The following COPB1 variants were observed in gnomAD, a reference collection of about 807,000 sequenced individuals.
COPB1 encodes the protein coat protein complex I subunit beta 1, also known as coatomer subunit beta.
In COPB1, 21 loss-of-function variants were observed where a neutral mutation model predicts 108.7. The ratio of observed to expected loss-of-function variants is 0.19; its 90% CI spans 0.14 to 0.28. The LOEUF (loss-of-function observed/expected upper bound fraction) is 0.28. COPB1 is among the 10% of genes least tolerant of loss of function. COPB1 has a pLI of 1.00. For synonymous variants in COPB1, 378 were observed against 386.8 expected (o/e 0.98, Z 0.27); for missense variants, 919 against 1,141.3 (o/e 0.81, Z 2.81).
intron 3 of COPB1, 65 bp downstream of exon 3, chr11:14,494,145 C>T: frequency 9.1e-7 from 1 of 1,099,220 alleles, no homozygotes; most frequent in Non-Finnish European, 1.3e-6. Flanking sequence ...TAAAACACAG[C>T]CCATTCTACC....
chr11:14,479,792 A>T (rs533014839), intron 10 of COPB1, 78 bp from the exon 11 acceptor site: 12 of 1,341,136 alleles, frequency 8.9e-6, no homozygotes, highest in Non-Finnish European at 1.2e-5. Flanking sequence ...AAATAAATTA[A>T]AAGAATGTAA....
intron 16 of COPB1, among the ~76,000 whole-genome samples, chr11:14,466,928 C>A (rs1181001656): frequency 2.0e-5 from 3 of 151,950 alleles, no homozygotes; most frequent in Non-Finnish European, 2.9e-5. Flanking sequence ...GATTGTAATG[C>A]CACAAAAATA....
intron 17 of COPB1, among the ~76,000 whole-genome samples, chr11:14,465,535 A>G (rs1850265237): frequency 6.6e-6 from 1 of 152,088 alleles, no homozygotes; most frequent in Non-Finnish European, 1.5e-5. Context: ...GGGTCATTTT[A>G]TTTCAATGAA....
Position 14,476,961 on chromosome 11 carries a change from G to A in COPB1, c.1413C>T (p.Asp471=). ...ILGEYCSTKE[D]IQSVMTEIRR... Reference sequence around the variant, plus strand: ...GGATCTCAGTCATCACACTCTGAATGTCTTCCTTGGTACTACAGTATTCTC... The same window carrying A: ...GGATCTCAGTCATCACACTCTGAATATCTTCCTTGGTACTACAGTATTCTC... The change falls in exon 12 of 22, where the codon GAC becomes GAT. Residue 471 remains aspartate, a synonymous_variant. Coordinates refer to ENST00000439561, the MANE Select transcript of COPB1 (RefSeq NM_001144061.2). 6.2e-7 allele frequency: 1 copy of A among 1,612,756 alleles called. No homozygotes were observed. The highest frequency in any genetic ancestry group is 8.5e-7 in the Non-Finnish European group (1 of 1,178,816).
intron 20 of COPB1, among the ~76,000 whole-genome samples, chr11:14,459,660 C>T (rs750041294): frequency 8.5e-5 from 13 of 152,194 alleles, no homozygotes; most frequent in Middle Eastern, 6.8e-3. Context: ...CTGTCACCCA[C>T]GCTGGAATGC....
chr11:14,469,505 G>C lies in COPB1; in HGVS notation c.1796C>G (p.Ser599Cys). ...ATCAGTAATTGGCTTCTTAGGAAGAGAGGATTTTCCCAAATGCAGGATAGT... is the reference window on the plus strand; with the variant it reads ...ATCAGTAATTGGCTTCTTAGGAAGACAGGATTTTCCCAAATGCAGGATAGT... The part of the protein sequence containing the change: ...MATILHLGKS[S>C]LPKKPITDDD... Residue 599 changes from serine (S) to cysteine (C), a missense_variant, in exon 15 of 22, where the codon TCT becomes TGT. By Grantham distance (112) the Ser-to-Cys change is moderately radical (BLOSUM62 -1). Around this residue, in one of 5 missense-constraint regions of COPB1, gnomAD observed 705 missense variants for 817.8 expected, o/e 0.86. Transcript: ENST00000439561. 6.2e-7 allele frequency: 1 copy of C among 1,614,194 alleles called. No individual in the cohort carries two copies. Among genetic ancestry groups the C allele is most frequent in the Non-Finnish European group, 8.5e-7 (1 of 1,180,046 alleles).
At chr11:14,459,330 G>T (rs1184949137) in intron 20 of COPB1, among the ~76,000 whole-genome samples, 2 of 152,130 alleles carry the variant, frequency 1.3e-5, no homozygotes, top group East Asian at 3.9e-4. Flanking sequence ...CTCAGTATAT[G>T]CTGAATAAAC....
At chr11:14,459,126 T>A (rs1850088989) in intron 20 of COPB1, among the ~76,000 whole-genome samples, 1 of 152,206 alleles carries the variant, frequency 6.6e-6, no homozygotes, top group Non-Finnish European at 1.5e-5. Flanking sequence ...TTACATAATC[T>A]TATGAGTTTG....
chr11:14,474,666 C>A, intron 13 of COPB1, 51 bp from the exon 14 acceptor site: 3 of 1,604,122 alleles, frequency 1.9e-6, no homozygotes, highest in East Asian at 2.2e-5. Flanking sequence ...AAGCAGCATG[C>A]AGCTTCTGTA....
At chr11:14,476,062 G>A in intron 12 of COPB1, 117 bp from the exon 13 acceptor site, 1 of 818,158 alleles carries the variant, frequency 1.2e-6, no homozygotes, top group South Asian at 2.1e-5. Flanking sequence ...TTTTGGAACT[G>A]GGAACTCTGC....
chr11:14,494,674 G>C lies in COPB1; in HGVS notation c.92-235C>G, dbSNP rs547473360. On this transcript the variant is annotated intron_variant, in intron 2 of 21. Transcript: ENST00000439561. ...GACTCTTTATATATAATATGAAGGC[G>C]CTGGATTAGATTTCTGGTTCCTAAC... 2.4e-4 allele frequency: 89 copies of C among 375,786 alleles called. No homozygotes were observed. The South Asian group carries it at 2.7e-3, about 11-fold the overall frequency. 23.3% of individuals were successfully genotyped at this position (375,786 alleles called of 1,614,324 possible). A position where few individuals can be genotyped will look rare whatever the true frequency, so the allele number is the denominator to read the frequency against.
intron 1 of COPB1, 76 bp from the exon 2 acceptor site, chr11:14,499,061 T>C: frequency 2.9e-6 from 2 of 697,980 alleles, no homozygotes; most frequent in Non-Finnish European, 4.6e-6. Context: ...TAGTGACCTT[T>C]TAAAGTATTA....
intron 4 of COPB1, among the ~76,000 whole-genome samples, chr11:14,490,928 T>C (rs1462638974): frequency 2.6e-5 from 4 of 152,074 alleles, no homozygotes; most frequent in Non-Finnish European, 4.4e-5. Flanking sequence ...TAGCTGCGAT[T>C]ATAGGTGCCC....
At chr11:14,458,040 C>T (rs1208875745) in intron 21 of COPB1, among the ~76,000 whole-genome samples, 157 bp from the exon 22 acceptor site, 1 of 150,664 alleles carries the variant, frequency 6.6e-6, no homozygotes, top group Non-Finnish European at 1.5e-5. Flanking sequence ...CTGGTAATTA[C>T]CTTTCAGTGC....
chr11:14,483,993 T>C (rs1850715256), intron 7 of COPB1, among the ~76,000 whole-genome samples: 1 of 152,174 alleles, frequency 6.6e-6, no homozygotes, highest in African/African-American at 2.4e-5. Context: ...AAGGTTAACA[T>C]CATCAGTAAT....
At chr11:14,477,347 G>A (rs1213772341) in intron 11 of COPB1, among the ~76,000 whole-genome samples, 7 of 125,558 alleles carry the variant, frequency 5.6e-5, no homozygotes, top group African/African-American at 9.5e-5. Context: ...CCAAGATCGC[G>A]CCACTGCACT....
In COPB1 at chr11:14,499,808, C is replaced by A. The variant is rs2575823; in HGVS notation, c.-159G>T. 0.66 allele frequency: 102,181 copies of A among 154,010 alleles called. 34,142 individuals carry two copies. The highest frequency in any genetic ancestry group is 0.7 in the African/African-American group (29,185 of 41,486). The allele number at this position is 154,010 out of a possible 1,614,324, so 9.5% of individuals were successfully genotyped here. On this transcript the variant is annotated 5_prime_UTR_variant, in exon 1 of 22. Coordinates refer to ENST00000439561, the MANE Select transcript of COPB1 (RefSeq NM_001144061.2). Reference sequence around the variant, plus strand: ...TCTACTGCGGCTCCGTCTACTCCGGCTATGAACCGCAGCAGCGGCGGCGGC... The same window carrying A: ...TCTACTGCGGCTCCGTCTACTCCGGATATGAACCGCAGCAGCGGCGGCGGC...
chr11:14,494,399 T>C lies in COPB1; in HGVS notation c.132A>G (p.Lys44=), dbSNP rs1252367712. ...DVKSKTEALK[K]VIIMILNGEK... ...CACCATTCAGAATCATAATGATTACTTTCTTCAAAGCTTCAGTCTTTGACT... is the reference window on the plus strand; with the variant it reads ...CACCATTCAGAATCATAATGATTACCTTCTTCAAAGCTTCAGTCTTTGACT... The change falls in exon 3 of 22, where the codon AAA becomes AAG. Residue 44 remains lysine, a synonymous_variant. Coordinates refer to ENST00000439561, the MANE Select transcript of COPB1 (RefSeq NM_001144061.2). The C allele has an allele frequency of 9.9e-6, 16 of 1,610,588 alleles. No individual in the cohort carries two copies. The highest frequency in any genetic ancestry group is 1.4e-5 in the Non-Finnish European group (16 of 1,177,594).
At chr11:14,465,099 ACACACACACACT>A (rs1355407300) in intron 17 of COPB1, 69 bp from the exon 18 acceptor site, 19 of 1,346,712 alleles carry the variant, frequency 1.4e-5, no homozygotes, top group South Asian at 2.7e-5. Context: ...ACACACACAC[ACACACACACACT>A]AACCATAAAA....
Sources: allele counts gnomAD v4.1 joint callset (sites outside exome capture counted in the v4.1 genomes callset), GRCh38; gene constraint gnomAD v4.1.1; regional missense constraint gnomAD v4.1.1; transcripts MANE v1.5; gene names NCBI Gene and HGNC (gene_info 2026-07-23, HGNC 2026-07-21).